The following CEP85L variants were observed in gnomAD, a reference collection of about 807,000 sequenced individuals.
The protein encoded by CEP85L is centrosomal protein 85L.
CEP85L carries 60 observed loss-of-function variants against 100.3 expected under a neutral mutation model. The observed-to-expected ratio is 0.60, with a 90% CI of 0.49 to 0.74. The LOEUF (loss-of-function observed/expected upper bound fraction) is 0.74, where lower values mean the gene tolerates loss of function less well. CEP85L is among the 30% of genes least tolerant of loss of function. The pLI, the probability that CEP85L is intolerant of heterozygous loss-of-function variation, is 0.00. For missense variants in CEP85L, 973 were observed against 936.2 expected (o/e 1.04, Z -0.51); for synonymous variants, 319 against 322.7 (o/e 0.99, Z 0.12).
At chr6:118,588,000 A>G (rs557973537) in intron 2 of CEP85L, among the ~76,000 whole-genome samples, 1 of 152,322 alleles carries the variant, frequency 6.6e-6, no homozygotes, top group Admixed American at 6.5e-5. Flanking sequence ...GATACACTTA[A>G]TCCTCCCAAG....
Position 118,708,696 on chromosome 6 carries a change from C to T in CEP85L, c.-28+1340G>A, listed in dbSNP as rs1777679577. Among the ~76,000 whole-genome samples, 3 of 152,304 alleles carry T rather than the reference C, an allele frequency of 2.0e-5. No homozygotes were observed. In the South Asian group the frequency reaches 6.2e-4, roughly 32 times the overall value. ...GGGAACAGCATATAAAAAGGTTTAG[C>T]TCAGATAAACTTGAATTCAGTCAAT... is the stretch of plus-strand genomic sequence containing the variant. On this transcript the variant is annotated intron_variant, in intron 1 of 13. Coordinates refer to the CEP85L transcript ENST00000368488.
At chr6:118,709,725 A>AG (rs1777725581) in intron 1 of CEP85L, among the ~76,000 whole-genome samples, 1 of 152,118 alleles carries the variant, frequency 6.6e-6, no homozygotes, top group Non-Finnish European at 1.5e-5. Flanking sequence ...TCTAAAACAA[A>AG]GATAAAACAC....
chr6:118,537,803 A>C (rs1184340350), intron 3 of CEP85L: 4 of 985,204 alleles, frequency 4.1e-6, no homozygotes, highest in Non-Finnish European at 4.8e-6. Context: ...CAAGTTTGTT[A>C]TCTCTCCTTC....
chr6:118,488,893 G>A (rs1774366857), intron 6 of CEP85L, among the ~76,000 whole-genome samples: 1 of 152,206 alleles, frequency 6.6e-6, no homozygotes, highest in Admixed American at 6.5e-5. Flanking sequence ...AAAGTGGGAT[G>A]ATAAACTTGC....
At chr6:118,697,992 C>T (rs756092587) in intron 1 of CEP85L, among the ~76,000 whole-genome samples, 1 of 152,176 alleles carries the variant, frequency 6.6e-6, no homozygotes, top group Non-Finnish European at 1.5e-5. Flanking sequence ...TCTGCAGACT[C>T]ATTTGATTTT....
At chr6:118,654,803 A>G (rs1414044748), upstream of CEP85L, among the ~76,000 whole-genome samples, 1 of 152,210 alleles carries the variant, frequency 6.6e-6, no homozygotes, top group Non-Finnish European at 1.5e-5. Context: ...GGGTTTAAAC[A>G]TGTTAATCTT....
intron 5 of CEP85L, chr6:118,502,286 A>G (rs757311262): frequency 3.7e-6 from 2 of 535,872 alleles, no homozygotes; most frequent in Middle Eastern, 5.4e-4. Flanking sequence ...GATTTAATCT[A>G]TGCAATCTAT....
At chr6:118,658,388 T>C (rs1334839651) in intron 1 of CEP85L, among the ~76,000 whole-genome samples, 2 of 152,186 alleles carry the variant, frequency 1.3e-5, no homozygotes, top group Non-Finnish European at 2.9e-5. Flanking sequence ...TTTCAAGCTT[T>C]TTAATTTTCT....
At chr6:118,520,376 A>G (rs1169248950) in intron 4 of CEP85L, among the ~76,000 whole-genome samples, 2 of 152,180 alleles carry the variant, frequency 1.3e-5, no homozygotes, top group Non-Finnish European at 2.9e-5. Context: ...AACCAATTTT[A>G]TTTCTATATA....
At chr6:118,620,642 G>A (rs980902281) in intron 2 of CEP85L, among the ~76,000 whole-genome samples, 4 of 152,148 alleles carry the variant, frequency 2.6e-5, no homozygotes, top group Admixed American at 6.5e-5. Flanking sequence ...TGGGGCAAGC[G>A]CCAGCTCATA....
chr6:118,637,476 C>G (rs1251747347), intron 1 of CEP85L, among the ~76,000 whole-genome samples: 1 of 150,374 alleles, frequency 6.7e-6, no homozygotes, highest in East Asian at 2.0e-4. Context: ...CGCTGGCAGA[C>G]AGCTTGAGTT....
At chr6:118,621,248 A>G (rs1015562765) in intron 2 of CEP85L, among the ~76,000 whole-genome samples, 2 of 152,162 alleles carry the variant, frequency 1.3e-5, no homozygotes, top group Non-Finnish European at 2.9e-5. Flanking sequence ...CCAGTGCAAG[A>G]CCTCAGAATC....
intron 4 of CEP85L, among the ~76,000 whole-genome samples, chr6:118,512,993 A>T (rs1776056883): frequency 6.6e-6 from 1 of 152,204 alleles, no homozygotes; most frequent in Admixed American, 6.5e-5. Flanking sequence ...AACTATTCAT[A>T]TGCTTAAGTT....
At chr6:118,661,446 ATTATTC>A (rs1365088761) in intron 1 of CEP85L, among the ~76,000 whole-genome samples, 6 of 152,178 alleles carry the variant, frequency 3.9e-5, no homozygotes, top group Admixed American at 1.3e-4. Flanking sequence ...AAGGTTTGTT[ATTATTC>A]TTTTTCTTTT....
rs539439143 is a variant in CEP85L at position 118,643,888 on chromosome 6, G to C, written c.73+7309C>G. Among the ~76,000 whole-genome samples the C allele has an allele frequency of 2.0e-5, 3 of 152,258 alleles. No individual in the cohort carries two copies. The South Asian group carries it at 6.2e-4, about 32-fold the overall frequency. On this transcript the variant is annotated intron_variant, in intron 1 of 12. Transcript: ENST00000368491. ...GACAGAGTACCCTGGTCAAGACTTG[G>C]CCACTGTTCAGTGTAAGGAATCCCA... is the stretch of plus-strand genomic sequence containing the variant.
chr6:118,691,612 G>A (rs62423997), intron 1 of CEP85L, among the ~76,000 whole-genome samples: 32,541 of 149,004 alleles, frequency 0.22, 4,409 homozygotes, highest in Non-Finnish European at 0.32. Flanking sequence ...GCAGGCAGGC[G>A]CCTGTAATCC....
chr6:118,519,605 C>T (rs1282716644), intron 4 of CEP85L, among the ~76,000 whole-genome samples: 2 of 122,392 alleles, frequency 1.6e-5, no homozygotes, highest in Non-Finnish European at 3.3e-5. Flanking sequence ...TGTGAAACTC[C>T]GTCTCAAAAA....
chr6:118,549,100 AAC>A (rs1418784601), intron 3 of CEP85L, among the ~76,000 whole-genome samples: 1 of 152,006 alleles, frequency 6.6e-6, no homozygotes, highest in Non-Finnish European at 1.5e-5. Context: ...AATGTTCACA[AAC>A]ACAAAAAATC....
At position 118,632,578 on chromosome 6, in the gene CEP85L, T is replaced by G; in HGVS notation, c.107A>C (p.Asn36Thr). 1 of 1,612,474 alleles carries G rather than the reference T, an allele frequency of 6.2e-7. No individual in the cohort carries two copies. Among genetic ancestry groups the G allele is most frequent in the South Asian group, 1.1e-5 (1 of 90,468 alleles). The change falls in exon 2 of 13, where the codon AAT becomes ACT. Residue 36 changes from asparagine (N) to threonine (T), a missense_variant. Physicochemically the swap from Asn to Thr is moderately conservative, Grantham distance 65. This residue lies in a region of CEP85L where 79 missense variants were observed against 73.3 expected (regional missense o/e 1.08). Transcript: ENST00000368491. ...PDYSSAWLPANESLWQATTVP... is the reference protein window; with the variant it reads ...PDYSSAWLPATESLWQATTVP... ...AGTTGTGGCCTGCCACAATGATTCATTAGCAGGTAGCCATGCTGATGAATA... is the reference window on the plus strand; with the variant it reads ...AGTTGTGGCCTGCCACAATGATTCAGTAGCAGGTAGCCATGCTGATGAATA...
Sources: allele counts gnomAD v4.1 joint callset (sites outside exome capture counted in the v4.1 genomes callset), GRCh38; gene constraint gnomAD v4.1.1; regional missense constraint gnomAD v4.1.1; transcripts MANE v1.5; gene names NCBI Gene and HGNC (gene_info 2026-07-23, HGNC 2026-07-21).